CREB1: variants seen among roughly 807,000 people sequenced by gnomAD.
The protein encoded by CREB1 is cyclic AMP-responsive element-binding protein 1.
Under a neutral mutation model 42.0 loss-of-function variants are expected in CREB1, and 2 were observed. That is an observed-to-expected ratio of 0.05 (90% CI 0.02 to 0.15). CREB1 has a LOEUF of 0.15. Among genes scored for constraint, CREB1 ranks in the 10% least tolerant of loss-of-function variants. CREB1 has a pLI of 1.00. For missense variants in CREB1, 199 were observed against 388.9 expected, an observed-to-expected ratio of 0.51 and a Z score of 4.11; for synonymous variants, 123 against 139.9, an observed-to-expected ratio of 0.88 and a Z score of 0.85.
At chr2:207,590,829 T>G (rs1338849805) in intron 7 of CREB1, among the ~76,000 whole-genome samples, 1 of 152,176 alleles carries the variant, frequency 6.6e-6, no homozygotes, top group East Asian at 1.9e-4. Context: ...AAATAATTGA[T>G]TTAAGCCCTT....
rs1312596862 is a variant in CREB1, at chr2:207,600,907, G to A, written c.*3849G>A. Reference sequence around the variant, plus strand: ...CCAGGATGCTTTACTTACTTGAAGTGACTTCAATCTAGATTTCTTTTAATA... The same window carrying A: ...CCAGGATGCTTTACTTACTTGAAGTAACTTCAATCTAGATTTCTTTTAATA... On this transcript the variant is annotated 3_prime_UTR_variant, in exon 8 of 8. Transcript: ENST00000353267. 1 of 201,912 alleles carries A rather than the reference G, an allele frequency of 5.0e-6. No homozygotes were observed. The highest frequency in any genetic ancestry group is 1.0e-5 in the Non-Finnish European group (1 of 98,228). The allele number at this position is 201,912 out of a possible 1,614,324, so 12.5% of individuals were successfully genotyped here.
chr2:207,590,737 C>T (rs948469545), intron 7 of CREB1, among the ~76,000 whole-genome samples: 4 of 152,014 alleles, frequency 2.6e-5, no homozygotes, highest in Admixed American at 6.6e-5. Context: ...ACCAAAGCAG[C>T]GATGGATAAT....
At chr2:207,596,570 A>T (rs2086207977) in intron 7 of CREB1, among the ~76,000 whole-genome samples, 2 of 152,148 alleles carry the variant, frequency 1.3e-5, no homozygotes, top group South Asian at 2.1e-4. Context: ...AGTAGCTGGG[A>T]CTACAGGCAT....
chr2:207,554,338 A>T (rs945612614), intron 1 of CREB1, among the ~76,000 whole-genome samples: 1 of 152,162 alleles, frequency 6.6e-6, no homozygotes, highest in Non-Finnish European at 1.5e-5. Context: ...ATGGAGTGTA[A>T]TGATCACAAG....
At chr2:207,585,194 A>G (rs1427950839) in intron 7 of CREB1, among the ~76,000 whole-genome samples, 1 of 152,178 alleles carries the variant, frequency 6.6e-6, no homozygotes, top group East Asian at 1.9e-4. Context: ...GCCACCGTAA[A>G]GGCCTTTGTG....
chr2:207,559,229 G>C, intron 2 of CREB1: 1 of 870,274 alleles, frequency 1.1e-6, no homozygotes, highest in Non-Finnish European at 1.4e-6. Context: ...ACTCCACTCT[G>C]TGCTTGAAAT....
chr2:207,561,230 C>T, intron 3 of CREB1: 2 of 1,329,614 alleles, frequency 1.5e-6, no homozygotes, highest in Middle Eastern at 1.8e-4. Flanking sequence ...TTCTTTATGT[C>T]TTTGTCCTTT....
chr2:207,596,908 T>C lies in CREB1; in HGVS notation c.840-6T>C. ...CATAATTTTTCCCGTCCTCTTTTGC[T>C]TGTAGGGAAGCAGCTCGAGAGTGTC... is the stretch of plus-strand genomic sequence containing the variant. On this transcript the variant is annotated splice_polypyrimidine_tract_variant and splice_region_variant and intron_variant, in intron 7 of 7. Coordinates refer to ENST00000353267, the MANE Select transcript of CREB1 (RefSeq NM_004379.5). 6.2e-7 allele frequency: 1 copy of C among 1,602,434 alleles called. No individual in the cohort carries two copies. Among genetic ancestry groups the C allele is most frequent in the Non-Finnish European group, 8.5e-7 (1 of 1,177,086 alleles).
chr2:207,562,897 A>G (rs2082008402), intron 3 of CREB1, among the ~76,000 whole-genome samples: 1 of 152,240 alleles, frequency 6.6e-6, no homozygotes, highest in African/African-American at 2.4e-5. Flanking sequence ...TATTGGTGAC[A>G]TGCTATGTCA....
chr2:207,591,309 T>G (rs1454428702), intron 7 of CREB1, among the ~76,000 whole-genome samples: 1 of 152,262 alleles, frequency 6.6e-6, no homozygotes, highest in East Asian at 1.9e-4. Context: ...TTTAGAATTA[T>G]GTCTTCTTAG....
chr2:207,597,163 A>T lies in CREB1; in HGVS notation c.*105A>T. 3 of 1,305,152 alleles carry T rather than the reference A, an allele frequency of 2.3e-6. No individual in the cohort carries two copies. The highest frequency in any genetic ancestry group is 3.1e-6 in the Non-Finnish European group (3 of 978,382). The allele number at this position is 1,305,152 out of a possible 1,614,324, so 80.8% of individuals were successfully genotyped here. ...ATTTTCTAAACATTTCTTTTTTTCT[A>T]TGCGCAAAACTGCCTGAAAGCAACT... On this transcript the variant is annotated 3_prime_UTR_variant, in exon 8 of 8. Coordinates refer to ENST00000353267, the MANE Select transcript of CREB1 (RefSeq NM_004379.5).
chr2:207,560,736 ATAT>A (rs2081925979), intron 3 of CREB1, among the ~76,000 whole-genome samples: 1 of 152,206 alleles, frequency 6.6e-6, no homozygotes, highest in Non-Finnish European at 1.5e-5. Context: ...TTGGAGAAAA[ATAT>A]ACCCTTGATC....
rs1300654385 is a variant in CREB1, at chr2:207,538,161, G to A, written c.-9+8027G>A. 2.6e-5 allele frequency among the ~76,000 whole-genome samples: 4 copies of A among 152,238 alleles called. No homozygotes were observed. In the East Asian group the frequency reaches 5.8e-4, roughly 22 times the overall value. On this transcript the variant is annotated intron_variant, in intron 1 of 7. Coordinates refer to ENST00000353267, the MANE Select transcript of CREB1 (RefSeq NM_004379.5). ...TTGAGATTTTGGATGTTTTATTAGG[G>A]ATGCTTACCCTGTATTATATTTTGC...
At position 207,544,594 on chromosome 2, in the gene CREB1, A is replaced by G. The variant is rs2081227889; in HGVS notation, c.-8-11034A>G. ...TTAAGTTCAGGGGTACATGTGCAGGATGTGCAGGTTTGTTACATAGGTAAT... is the reference window on the plus strand; with the variant it reads ...TTAAGTTCAGGGGTACATGTGCAGGGTGTGCAGGTTTGTTACATAGGTAAT... On this transcript the variant is annotated intron_variant, in intron 1 of 7. Coordinates refer to ENST00000353267, the MANE Select transcript of CREB1 (RefSeq NM_004379.5). 2.0e-5 allele frequency among the ~76,000 whole-genome samples: 3 copies of G among 152,090 alleles called. No homozygotes were observed. In the South Asian group the frequency reaches 6.2e-4, roughly 32 times the overall value.
At chr2:207,585,933 A>G (rs1198724295) in intron 7 of CREB1, among the ~76,000 whole-genome samples, 2 of 152,174 alleles carry the variant, frequency 1.3e-5, no homozygotes, top group Non-Finnish European at 2.9e-5. Context: ...ATATAGGAAA[A>G]GGCATAGAAA....
intron 1 of CREB1, chr2:207,534,714 T>C (rs2080797011): frequency 6.6e-6 from 1 of 152,242 alleles, no homozygotes; most frequent in East Asian, 1.9e-4. Flanking sequence ...ATTTCTAATT[T>C]GGTTTTTTGA....
chr2:207,590,502 AGTT>A (rs1048416828), intron 7 of CREB1, among the ~76,000 whole-genome samples: 6 of 150,676 alleles, frequency 4.0e-5, no homozygotes, highest in East Asian at 2.0e-4. Flanking sequence ...TGGTTTTTTT[AGTT>A]GTTCTCTTTC....
chr2:207,561,604 C>T (rs2081960734), intron 3 of CREB1, among the ~76,000 whole-genome samples: 1 of 152,166 alleles, frequency 6.6e-6, no homozygotes, highest in Admixed American at 6.5e-5. Flanking sequence ...TCCCCATCCC[C>T]CGCACCCTTC....
intron 7 of CREB1, chr2:207,580,729 A>G (rs7603975): frequency 4.6e-4 from 104 of 224,198 alleles, no homozygotes; most frequent in African/African-American, 2.2e-3. Flanking sequence ...TTGTGTTGCT[A>G]CAGTAACAAC....
Sources: gnomAD v4.1 joint callset for allele counts (sites outside exome capture counted in the v4.1 genomes callset) on GRCh38, gnomAD v4.1.1 for gene constraint, MANE v1.5 for transcripts, NCBI Gene and HGNC (gene_info 2026-07-23, HGNC 2026-07-21) for gene names.